KIAA0232: variants seen among roughly 807,000 people sequenced by gnomAD.
The protein encoded by KIAA0232 is uncharacterized protein KIAA0232.
In KIAA0232, 27 loss-of-function variants were observed where a neutral mutation model predicts 122.0. The observed-to-expected ratio is 0.22, with a 90% confidence interval of 0.16 to 0.31. KIAA0232 has a LOEUF of 0.31. Ranked by LOEUF, KIAA0232 falls within the 10% of genes least tolerant of loss-of-function variation. KIAA0232 has a pLI of 1.00. For missense variants in KIAA0232, 1,551 were observed against 1,634.2 expected (o/e 0.95, Z 0.88); for synonymous variants, 613 against 587.6 (o/e 1.04, Z -0.63).
At chr4:6,820,717 A>G (rs1007130120) in intron 2 of KIAA0232, among the ~76,000 whole-genome samples, 1 of 152,260 alleles carries the variant, frequency 6.6e-6, no homozygotes, top group Admixed American at 6.5e-5. Context: ...TTAAATAATA[A>G]GACAAATGTT....
At chr4:6,798,836 G>A (rs761904931) in intron 1 of KIAA0232, among the ~76,000 whole-genome samples, 37 of 152,320 alleles carry the variant, frequency 2.4e-4, no homozygotes, top group Non-Finnish European at 4.4e-4. Flanking sequence ...ATAGGCGTGA[G>A]CCACCGTGCC....
intron 3 of KIAA0232, among the ~76,000 whole-genome samples, chr4:6,830,314 C>G (rs1283737023): frequency 6.6e-6 from 1 of 151,450 alleles, no homozygotes; most frequent in Non-Finnish European, 1.5e-5. Flanking sequence ...CTTGAAATAT[C>G]TGGGAATTAG....
chr4:6,801,359 C>G (rs1338844196), intron 1 of KIAA0232, among the ~76,000 whole-genome samples: 1 of 152,122 alleles, frequency 6.6e-6, no homozygotes, highest in Non-Finnish European at 1.5e-5. Flanking sequence ...CACCTTTGTT[C>G]AAAGAATAAG....
chr4:6,881,069 C>A lies in KIAA0232; in HGVS notation c.*103C>A, dbSNP rs1007587565. The stretch of plus-strand genomic sequence containing the variant: ...AAAACAACAACTTAGGTTTCCTCTT[C>A]AATTAACTGATTCAGATTGGTAATA... On this transcript the variant is annotated 3_prime_UTR_variant, in exon 10 of 10. Coordinates refer to ENST00000307659, the MANE Select transcript of KIAA0232 (RefSeq NM_014743.3). The A allele has an allele frequency of 4.0e-6, 3 of 759,378 alleles. No homozygotes were observed. In the East Asian group the frequency reaches 9.8e-5, roughly 25 times the overall value. 47.0% of individuals were successfully genotyped at this position (759,378 alleles called of 1,614,324 possible). A position where few individuals can be genotyped will look rare whatever the true frequency, so the allele number is the denominator to read the frequency against.
intron 3 of KIAA0232, among the ~76,000 whole-genome samples, chr4:6,835,525 C>T (rs937969042): frequency 3.9e-5 from 6 of 152,134 alleles, no homozygotes; most frequent in Non-Finnish European, 5.9e-5. Flanking sequence ...TGTGCAGGTT[C>T]GTTACATAGG....
At chr4:6,847,198 C>T (rs887388242) in intron 4 of KIAA0232, among the ~76,000 whole-genome samples, 2 of 152,058 alleles carry the variant, frequency 1.3e-5, no homozygotes, top group African/African-American at 4.8e-5. Context: ...CACATGTGAC[C>T]ATGCGTGTAT....
At chr4:6,854,723 A>G (rs995616624) in intron 4 of KIAA0232, among the ~76,000 whole-genome samples, 3 of 152,208 alleles carry the variant, frequency 2.0e-5, no homozygotes, top group South Asian at 2.1e-4. Flanking sequence ...AGGAAAAGCA[A>G]TTCATGAGTT....
At chr4:6,821,055 G>A (rs566337001) in intron 2 of KIAA0232, among the ~76,000 whole-genome samples, 10 of 152,260 alleles carry the variant, frequency 6.6e-5, no homozygotes, top group African/African-American at 2.4e-4. Flanking sequence ...CCTCTTAAAG[G>A]TCTTACCTCT....
At chr4:6,864,327 A>C (rs868651113) in intron 7 of KIAA0232, 144 bp downstream of exon 7, 1 of 908,148 alleles carries the variant, frequency 1.1e-6, no homozygotes, top group Admixed American at 3.0e-5. Flanking sequence ...CTAATTTTAC[A>C]TGTAAGGACT....
intron 2 of KIAA0232, among the ~76,000 whole-genome samples, chr4:6,809,021 C>CT (rs1220075483): frequency 1.1e-4 from 16 of 152,254 alleles, no homozygotes; most frequent in African/African-American, 3.4e-4. Flanking sequence ...AGCCAGCACT[C>CT]TATAAGTGTT....
chr4:6,876,793 C>A (rs772839485), intron 9 of KIAA0232, 36 bp downstream of exon 9: 31 of 1,399,198 alleles, frequency 2.2e-5, no homozygotes, highest in South Asian at 2.1e-4. Flanking sequence ...CATTAACTTA[C>A]AAACAGCCAC....
At chr4:6,826,934 A>T (rs184582196) in intron 3 of KIAA0232, among the ~76,000 whole-genome samples, 1 of 152,088 alleles carries the variant, frequency 6.6e-6, no homozygotes, top group Non-Finnish European at 1.5e-5. Context: ...TACTAACTCT[A>T]GGGGGTTGTG....
intron 6 of KIAA0232, among the ~76,000 whole-genome samples, chr4:6,859,362 G>T (rs1720738006): frequency 6.6e-6 from 1 of 152,012 alleles, no homozygotes; most frequent in African/African-American, 2.4e-5. Context: ...GCATTTCCTT[G>T]GTTTGTATAG....
intron 1 of KIAA0232, among the ~76,000 whole-genome samples, chr4:6,784,084 C>CT (rs1211639840): frequency 6.6e-6 from 1 of 151,884 alleles, no homozygotes; most frequent in Non-Finnish European, 1.5e-5. Flanking sequence ...TATAGGCAAG[C>CT]TATAAAGATT....
At position 6,831,821 on chromosome 4, in the gene KIAA0232, C is replaced by G. The variant is rs563569715; in HGVS notation, c.231+7137C>G. Reference sequence around the variant, plus strand: ...GTATCTCAGGTGTTCTCCCTCTGGCCCTAAGAGTTCACTCCAAGTTCTGCT... The same window carrying G: ...GTATCTCAGGTGTTCTCCCTCTGGCGCTAAGAGTTCACTCCAAGTTCTGCT... On this transcript the variant is annotated intron_variant, in intron 3 of 9. Transcript: ENST00000307659. Among the ~76,000 whole-genome samples the G allele has an allele frequency of 5.9e-5, 9 of 152,314 alleles. No individual in the cohort carries two copies. In the South Asian group the frequency reaches 1.9e-3, roughly 32 times the overall value.
At chr4:6,840,333 A>G (rs893897702) in intron 3 of KIAA0232, among the ~76,000 whole-genome samples, 1 of 152,174 alleles carries the variant, frequency 6.6e-6, no homozygotes, top group African/African-American at 2.4e-5. Context: ...CTCTGAGCCA[A>G]TCTTTGTGGC....
At chr4:6,799,936 C>T (rs1169330970) in intron 1 of KIAA0232, among the ~76,000 whole-genome samples, 3 of 151,620 alleles carry the variant, frequency 2.0e-5, no homozygotes, top group African/African-American at 7.3e-5. Context: ...ATCATGATCC[C>T]CCCGCCTCGG....
chr4:6,857,765 A>G (rs1402281716), intron 5 of KIAA0232, among the ~76,000 whole-genome samples: 1 of 152,178 alleles, frequency 6.6e-6, no homozygotes, highest in African/African-American at 2.4e-5. Flanking sequence ...AATCCTCCTC[A>G]TACTTTTTCT....
intron 7 of KIAA0232, among the ~76,000 whole-genome samples, chr4:6,867,643 G>A (rs1721254912): frequency 6.6e-6 from 1 of 152,216 alleles, no homozygotes; most frequent in South Asian, 2.1e-4. Context: ...TGCTGTGGAG[G>A]TCAGCAGGTC....
Sources: gnomAD v4.1 joint callset for allele counts (sites outside exome capture counted in the v4.1 genomes callset) on GRCh38, gnomAD v4.1.1 for gene constraint, MANE v1.5 for transcripts, NCBI Gene and HGNC (gene_info 2026-07-23, HGNC 2026-07-21) for gene names.